ASB3: variants seen among roughly 807,000 people sequenced by gnomAD.
ASB3 encodes ankyrin repeat and SOCS box containing 3, also known as ankyrin repeat and SOCS box protein 3.
A neutral mutation model predicts 54.5 loss-of-function variants in ASB3; 41 were observed. The ratio of observed to expected loss-of-function variants is 0.75; its 90% confidence interval spans 0.59 to 0.98. The LOEUF (loss-of-function observed/expected upper bound fraction) is 0.98. Among genes scored for constraint, ASB3 ranks in the 50% least tolerant of loss-of-function variants. The pLI, the probability that ASB3 is intolerant of heterozygous loss-of-function variation, is 0.00. For synonymous variants in ASB3, 266 were observed against 221.2 expected (o/e 1.20, Z -1.80); for missense variants, 733 against 620.0 (o/e 1.18, Z -1.94).
At chr2:53,774,589 A>G in intron 1 of ASB3, 1 of 1,229,142 alleles carries the variant, frequency 8.1e-7, no homozygotes, top group Middle Eastern at 2.3e-4. Context: ...ACGTTTACTT[A>G]AAGATCTTAT....
At chr2:53,737,901 C>T (rs1036957333) in intron 3 of ASB3, among the ~76,000 whole-genome samples, 1 of 151,932 alleles carries the variant, frequency 6.6e-6, no homozygotes, top group Admixed American at 6.6e-5. Context: ...CTCAATAATA[C>T]TAAAGTGTAT....
At chr2:53,747,316 C>G (rs1489831356) in intron 3 of ASB3, among the ~76,000 whole-genome samples, 1 of 152,182 alleles carries the variant, frequency 6.6e-6, no homozygotes, top group African/African-American at 2.4e-5. Context: ...GAGGCTGAGG[C>G]AGGCAGATCG....
At chr2:53,731,579 G>C (rs868491104) in intron 3 of ASB3, among the ~76,000 whole-genome samples, 1 of 152,058 alleles carries the variant, frequency 6.6e-6, no homozygotes, top group South Asian at 2.1e-4. Flanking sequence ...TTGTATAAAC[G>C]ATCTAAAGTC....
rs182027586 is a variant in ASB3, at chr2:53,710,786, T to A, written c.980+3598A>T. Among the ~76,000 whole-genome samples, 194 of 152,300 alleles carry A rather than the reference T, an allele frequency of 1.3e-3. No individual in the cohort carries two copies. The Middle Eastern group carries it at 0.014, about 11-fold the overall frequency. On this transcript the variant is annotated intron_variant, in intron 7 of 9. Transcript: ENST00000263634. ...AAGCTTGGACCCATGAATGTGCCAC[T>A]CAGGGTCTAGCCTGAGACTCTGATG...
chr2:53,775,426 A>T (rs975780781), intron 1 of ASB3, among the ~76,000 whole-genome samples: 3 of 152,064 alleles, frequency 2.0e-5, no homozygotes, highest in African/African-American at 7.2e-5. Context: ...CACAGGCTGG[A>T]AAGTGTAACC....
chr2:53,751,591 A>G (rs2104009676), intron 2 of ASB3, among the ~76,000 whole-genome samples: 1 of 152,332 alleles, frequency 6.6e-6, no homozygotes, highest in East Asian at 1.9e-4. Context: ...TTACACAATA[A>G]AATTCTATGC....
intron 3 of ASB3, among the ~76,000 whole-genome samples, chr2:53,730,433 C>T (rs996824446): frequency 7.9e-5 from 12 of 152,012 alleles, no homozygotes; most frequent in African/African-American, 2.2e-4. Context: ...GTCTGGCTAA[C>T]GTGCTTGGAT....
chr2:53,743,225 G>A (rs537925238), intron 3 of ASB3, among the ~76,000 whole-genome samples: 7 of 142,578 alleles, frequency 4.9e-5, no homozygotes, highest in South Asian at 4.4e-4. Flanking sequence ...GGCTGGTCTC[G>A]AACTCCTGGC....
At chr2:53,693,553 CACAAAGTACAGAATA>C (rs1669027664) in intron 9 of ASB3, among the ~76,000 whole-genome samples, 1 of 151,938 alleles carries the variant, frequency 6.6e-6, no homozygotes, top group African/African-American at 2.4e-5. Context: ...TTTTTCTGAC[CACAAAGTACAGAATA>C]AGCAGATTTT....
At chr2:53,773,478 T>C (rs752852878) in intron 1 of ASB3, among the ~76,000 whole-genome samples, 1 of 152,144 alleles carries the variant, frequency 6.6e-6, no homozygotes, top group Non-Finnish European at 1.5e-5. Flanking sequence ...TAACCCAGGC[T>C]TGAGTTCAGT....
At chr2:53,713,505 C>T (rs1054283521) in intron 7 of ASB3, among the ~76,000 whole-genome samples, 1 of 152,204 alleles carries the variant, frequency 6.6e-6, no homozygotes. Context: ...ACTGGCCAGA[C>T]ACTAACAAGG....
rs186289272 is a variant in ASB3 at position 53,758,362 on chromosome 2, G to A, written c.196+7015C>T. 7.5e-4 allele frequency among the ~76,000 whole-genome samples: 114 copies of A among 152,308 alleles called. 2 individuals are homozygous for A. The East Asian group carries it at 0.019, about 25-fold the overall frequency. ...CAAAAAGTTTAAGATTGATAATTAG[G>A]GCGTATTCCTACAAGGGAAAAGGAC... is the stretch of plus-strand genomic sequence containing the variant. On this transcript the variant is annotated intron_variant, in intron 2 of 9. Coordinates refer to ENST00000263634, the MANE Select transcript of ASB3 (RefSeq NM_016115.5).
chr2:53,714,285 A>G, intron 7 of ASB3, 99 bp downstream of exon 7: 2 of 1,435,192 alleles, frequency 1.4e-6, no homozygotes, highest in Non-Finnish European at 1.9e-6. Flanking sequence ...TTTAGCACTA[A>G]CAGAGATACT....
chr2:53,704,359 CAA>C (rs10547453), intron 7 of ASB3, among the ~76,000 whole-genome samples: 7,851 of 110,482 alleles, frequency 0.071, 522 homozygotes, highest in African/African-American at 0.21. Context: ...GAGACTGTCT[CAA>C]AAAAAAAAAA....
intron 1 of ASB3, among the ~76,000 whole-genome samples, chr2:53,768,904 A>G (rs775304830): frequency 2.2e-4 from 34 of 152,256 alleles, no homozygotes; most frequent in Non-Finnish European, 4.0e-4. Flanking sequence ...TGGTCAATGG[A>G]AAGTGGAAAA....
Position 53,670,985 on chromosome 2 carries a change from T to A in ASB3, c.1370-295A>T, listed in dbSNP as rs11899933. On this transcript the variant is annotated intron_variant, in intron 9 of 9. Coordinates refer to ENST00000263634, the MANE Select transcript of ASB3 (RefSeq NM_016115.5). ...TTAATACCTGCACTTAAGAAATGGA[T>A]GAACCAACTTTAGAAATGGTGGAAG... Among the ~76,000 whole-genome samples, 1,240 of 152,328 alleles carry A rather than the reference T, an allele frequency of 8.1e-3. 12 individuals carry two copies. Among genetic ancestry groups the A allele is most frequent in the African/African-American group, 0.028 (1,180 of 41,572 alleles).
At chr2:53,742,248 A>G (rs1206817005) in intron 3 of ASB3, among the ~76,000 whole-genome samples, 1 of 152,206 alleles carries the variant, frequency 6.6e-6, no homozygotes, top group Non-Finnish European at 1.5e-5. Context: ...AAAAATCCTG[A>G]GTCTAAAGGA....
At chr2:53,734,071 G>T (rs527481294) in intron 3 of ASB3, among the ~76,000 whole-genome samples, 1 of 152,176 alleles carries the variant, frequency 6.6e-6, no homozygotes, top group Non-Finnish European at 1.5e-5. Flanking sequence ...GCCCTGGGTG[G>T]GCCAGGTGTC....
At chr2:53,765,656 C>A (rs1001805537) in intron 1 of ASB3, 71 bp from the exon 2 acceptor site, 21 of 1,567,708 alleles carry the variant, frequency 1.3e-5, no homozygotes, top group Non-Finnish European at 1.7e-5. Flanking sequence ...GTCAGCAAAT[C>A]ACGGTGGGCC....
Sources: gnomAD v4.1 joint callset for allele counts (sites outside exome capture counted in the v4.1 genomes callset) on GRCh38, gnomAD v4.1.1 for gene constraint, MANE v1.5 for transcripts, NCBI Gene and HGNC (gene_info 2026-07-23, HGNC 2026-07-21) for gene names.